Variants in NEUROD1 observed in about 807,000 individuals in gnomAD.
The protein encoded by NEUROD1 is neurogenic differentiation factor 1.
In NEUROD1, 9 loss-of-function variants were observed where a neutral mutation model predicts 21.8. The observed-to-expected ratio is 0.41, with a 90% CI of 0.25 to 0.72. NEUROD1 has a LOEUF of 0.72. Ranked by LOEUF, NEUROD1 falls within the 30% of genes least tolerant of loss-of-function variation. NEUROD1 has a pLI of 0.31. For missense variants in NEUROD1, 434 were observed against 468.8 expected, an observed-to-expected ratio of 0.93 and a Z score of 0.69; for synonymous variants, 199 against 186.2, an observed-to-expected ratio of 1.07 and a Z score of -0.56.
rs1688589195 is a variant in NEUROD1, at chr2:181,677,046, GA to G, written c.*743del. On this transcript the variant is annotated 3_prime_UTR_variant, in exon 2 of 2. Transcript: ENST00000295108. The stretch of plus-strand genomic sequence containing the variant: ...AATTTTTTCTTCTCTTGAAAATTAT[GA>G]TTCTGGTTTTTATTTTAGGGAGACG... 7.2e-6 allele frequency: 1 copy of G among 139,506 alleles called. No homozygotes were observed. Among genetic ancestry groups the G allele is most frequent in the East Asian group, 2.3e-4 (1 of 4,376 alleles). 8.6% of individuals were successfully genotyped at this position (139,506 alleles called of 1,614,324 possible).
At chr2:181,676,091 C>T (rs1050739888), downstream of NEUROD1, among the ~76,000 whole-genome samples, 2 of 151,966 alleles carry the variant, frequency 1.3e-5, no homozygotes, top group African/African-American at 4.8e-5. Flanking sequence ...TTGTTTATGT[C>T]TTGCTTGTTA....
chr2:181,677,527 A>G lies in NEUROD1; in HGVS notation c.*263T>C. The G allele has an allele frequency of 2.2e-6, 1 of 464,070 alleles. No homozygotes were observed. The highest frequency in any genetic ancestry group is 3.8e-6 in the Non-Finnish European group (1 of 260,300). 28.7% of individuals were successfully genotyped at this position (464,070 alleles called of 1,614,324 possible). ...TACGATCTGAATACAGCCACACCAA[A>G]TTCGTGGTGTATTTTTTAAACTTTA... is the stretch of plus-strand genomic sequence containing the variant. On this transcript the variant is annotated 3_prime_UTR_variant, in exon 2 of 2. Coordinates refer to ENST00000295108, the MANE Select transcript of NEUROD1 (RefSeq NM_002500.5).
At position 181,678,613 on chromosome 2, in the gene NEUROD1, C is replaced by A. The variant is rs1688636903; in HGVS notation, c.248G>T (p.Arg83Ile). The A allele has an allele frequency of 1.9e-6, 3 of 1,614,178 alleles. No homozygotes were observed. The highest frequency in any genetic ancestry group is 2.5e-6 in the Non-Finnish European group (3 of 1,180,014). Reference sequence around the variant, plus strand: ...CATCTTCTTCTTTTTGGGGCCGCGTCTCTTGGGCTTTTGATCGTCATCCTC... The same window carrying A: ...CATCTTCTTCTTTTTGGGGCCGCGTATCTTGGGCTTTTGATCGTCATCCTC... ...EEEDDDQKPK[R>I]RGPKKKKMTK... is the part of the protein sequence containing the mutation. Residue 83 changes from arginine (R) to isoleucine (I), a missense_variant, in exon 2 of 2, where the codon AGA (arginine) becomes ATA (isoleucine). By Grantham distance (97) the Arg-to-Ile change is moderately conservative. Coordinates refer to ENST00000295108, the MANE Select transcript of NEUROD1 (RefSeq NM_002500.5). This position sits in a 1 kb window ranked among gnomAD's most constrained non-coding sequence, Gnocchi z 5.5.
At chr2:181,679,196 GT>G (rs1409100262) in intron 1 of NEUROD1, among the ~76,000 whole-genome samples, 2 of 151,820 alleles carry the variant, frequency 1.3e-5, no homozygotes, top group Admixed American at 1.3e-4. Context: ...ACAGGATAAT[GT>G]GTGTGGAAAT....
downstream of NEUROD1, among the ~76,000 whole-genome samples, chr2:181,669,258 A>C (rs953615537): frequency 6.6e-6 from 1 of 152,188 alleles, no homozygotes; most frequent in Non-Finnish European, 1.5e-5. Flanking sequence ...TAAGTTAATA[A>C]AACCTACTTA....
At chr2:181,676,007 A>T (rs540533571), downstream of NEUROD1, among the ~76,000 whole-genome samples, 1 of 152,334 alleles carries the variant, frequency 6.6e-6, no homozygotes, top group Non-Finnish European at 1.5e-5. Flanking sequence ...AGAAAAATGT[A>T]CAGATAACAG....
At chr2:181,669,213 C>A (rs1323178869), downstream of NEUROD1, among the ~76,000 whole-genome samples, 1 of 152,150 alleles carries the variant, frequency 6.6e-6, no homozygotes, top group Admixed American at 6.6e-5. Flanking sequence ...TCAGGCAATT[C>A]TTGTGTGTGA....
downstream of NEUROD1, among the ~76,000 whole-genome samples, chr2:181,674,250 G>A (rs1018345535): frequency 3.9e-5 from 6 of 152,094 alleles, no homozygotes; most frequent in African/African-American, 7.2e-5. Context: ...AGGAATAGTC[G>A]TGGCTCAAGA....
At chr2:181,679,136 T>A (rs763993062) in intron 1 of NEUROD1, among the ~76,000 whole-genome samples, 1 of 152,152 alleles carries the variant, frequency 6.6e-6, no homozygotes, top group Non-Finnish European at 1.5e-5. Context: ...CTCACGCATA[T>A]GTGTTTGTAT....
Position 181,678,002 on chromosome 2 carries a change from G to A in NEUROD1, c.859C>T (p.His287Tyr), listed in dbSNP as rs1688615810. The change falls in exon 2 of 2, where the codon CAC (histidine) becomes TAC (tyrosine). Residue 287 changes from histidine (H) to tyrosine (Y), a missense_variant. By Grantham distance (83) the His-to-Tyr change is moderately conservative. Transcript: ENST00000295108. The surrounding 1 kb of genome is among the most constrained non-coding windows in gnomAD (Gnocchi z 5.5). ...TTCTCAAACTCGGCGGACGGTTCGT[G>A]TTTGAAAGAGAAGTTGCCATTGATG... Reference protein sequence around the residue: ...LSINGNFSFKHEPSAEFEKNY... With the variant: ...LSINGNFSFKYEPSAEFEKNY... The A allele has an allele frequency of 6.2e-7, 1 of 1,614,108 alleles. No individual in the cohort carries two copies. The highest frequency in any genetic ancestry group is 8.5e-7 in the Non-Finnish European group (1 of 1,180,052).
downstream of NEUROD1, among the ~76,000 whole-genome samples, chr2:181,670,242 C>T (rs1389814539): frequency 6.6e-6 from 1 of 152,028 alleles, no homozygotes; most frequent in Non-Finnish European, 1.5e-5. Context: ...AAAAATTACC[C>T]ATAGTTTATT....
chr2:181,669,463 C>G (rs1287271162), downstream of NEUROD1, among the ~76,000 whole-genome samples: 1 of 152,090 alleles, frequency 6.6e-6, no homozygotes, highest in East Asian at 1.9e-4. Context: ...ACCTCTAATC[C>G]ACACACATAC....
At chr2:181,671,290 A>G (rs1188444757) in exon 2 of NEUROD1, among the ~76,000 whole-genome samples, 1 of 152,162 alleles carries the variant, frequency 6.6e-6, no homozygotes, top group African/African-American at 2.4e-5. Context: ...AAATTCTTCT[A>G]GTAAAGAAAT....
downstream of NEUROD1, among the ~76,000 whole-genome samples, chr2:181,675,924 C>T (rs915048701): frequency 8.6e-5 from 13 of 151,848 alleles, no homozygotes; most frequent in Non-Finnish European, 1.9e-4. Context: ...AACTCATTTC[C>T]CTTTGGTACT....
downstream of NEUROD1, among the ~76,000 whole-genome samples, chr2:181,669,666 C>T (rs768073353): frequency 2.0e-5 from 3 of 151,914 alleles, no homozygotes; most frequent in African/African-American, 4.8e-5. Context: ...AATTTTATTC[C>T]TTACTGATGT....
Position 181,678,328 on chromosome 2 carries a change from T to G in NEUROD1, c.533A>C (p.Gln178Pro). 3 of 1,614,116 alleles carry G rather than the reference T, an allele frequency of 1.9e-6. No homozygotes were observed. The highest frequency in any genetic ancestry group is 2.5e-6 in the Non-Finnish European group (3 of 1,179,964). ...GCCCGCAACCAGGTTGGTGGTGGGT[T>G]GGGATAAGCCCTTGCAAAGCGTCTG... Reference protein sequence around the residue: ...FVQTLCKGLSQPTTNLVAGCL... With the variant: ...FVQTLCKGLSPPTTNLVAGCL... Residue 178 changes from glutamine (Q) to proline (P), a missense_variant, in exon 2 of 2, where the codon CAA (glutamine) becomes CCA (proline). Transcript: ENST00000295108. This position sits in a 1 kb window ranked among gnomAD's most constrained non-coding sequence, Gnocchi z 5.5.
downstream of NEUROD1, among the ~76,000 whole-genome samples, chr2:181,674,644 C>A (rs1366941311): frequency 6.6e-6 from 1 of 152,104 alleles, no homozygotes; most frequent in Non-Finnish European, 1.5e-5. Context: ...GCATGCAGTT[C>A]ATTCATGCAT....
chr2:181,673,478 TAAC>T (rs1559133896), downstream of NEUROD1: 1 of 152,354 alleles, frequency 6.6e-6, no homozygotes, highest in African/African-American at 2.4e-5. Context: ...TTTGCAATGG[TAAC>T]AACAAGAGTT....
In NEUROD1 at chr2:181,678,024, G is replaced by T; in HGVS notation, c.837C>A (p.Ile279=). The part of the protein sequence containing the change: ...FDGPLSPPLS[I]NGNFSFKHEP... ...CGTGTTTGAAAGAGAAGTTGCCATT[G>T]ATGCTGAGCGGCGGGCTGAGGGGTC... Residue 279 remains isoleucine (I), a synonymous_variant, in exon 2 of 2, where the codon ATC becomes ATA. Transcript: ENST00000295108. This position sits in a 1 kb window ranked among gnomAD's most constrained non-coding sequence, Gnocchi z 5.5. 1 of 1,614,206 alleles carries T rather than the reference G, an allele frequency of 6.2e-7. No homozygotes were observed. The highest frequency in any genetic ancestry group is 8.5e-7 in the Non-Finnish European group (1 of 1,180,034).
Sources: gnomAD v4.1 joint callset for allele counts (sites outside exome capture counted in the v4.1 genomes callset) on GRCh38, gnomAD v4.1.1 for gene constraint, Gnocchi (gnomAD v3.1) non-coding constraint, MANE v1.5 for transcripts, NCBI Gene and HGNC (gene_info 2026-07-23, HGNC 2026-07-21) for gene names.